ZNF503: variants seen among roughly 807,000 people sequenced by gnomAD.
ZNF503 encodes the protein NocA-like zinc finger 2.
Under a neutral mutation model 34.4 loss-of-function variants are expected in ZNF503, and 15 were observed. The ratio of observed to expected loss-of-function variants is 0.44; its 90% confidence interval spans 0.29 to 0.67. The LOEUF (loss-of-function observed/expected upper bound fraction) is 0.67. ZNF503 is among the 30% of genes least tolerant of loss of function. The probability of loss-of-function intolerance (pLI) is 0.13; values close to 1 mark genes in which losing one functional copy is unlikely to be tolerated. For missense variants in ZNF503, 1,007 were observed against 926.8 expected (o/e 1.09, Z -1.12); for synonymous variants, 580 against 456.8 (o/e 1.27, Z -3.44).
the ZNF503 span, among the ~76,000 whole-genome samples, chr10:75,372,546 G>A: frequency 4.0e-4 from 61 of 152,328 alleles, no homozygotes; most frequent in African/African-American, 1.4e-3. Flanking sequence ...GTACCCCTAG[G>A]CTCAGCCTGG....
At position 75,400,380 on chromosome 10, in the gene ZNF503, G is replaced by A. The variant is rs753473803; in HGVS notation, c.316-6C>T. ...GGGCTCTTCTTGGCATCGAGCTGCG[G>A]GGTCAGACGATGGGGGGGGAGCGTC... On this transcript the variant is annotated splice_region_variant and splice_polypyrimidine_tract_variant and intron_variant, in intron 1 of 1. Transcript: ENST00000372524. The A allele has an allele frequency of 1.9e-6, 3 of 1,597,530 alleles. No individual in the cohort carries two copies. Among genetic ancestry groups the A allele is most frequent in the African/African-American group, 2.9e-5 (2 of 69,788 alleles).
At chr10:75,393,574 A>G (rs1192006552), downstream of ZNF503, among the ~76,000 whole-genome samples, 1 of 152,194 alleles carries the variant, frequency 6.6e-6, no homozygotes, top group Admixed American at 6.5e-5. Context: ...CCATTAATAA[A>G]TAGGCTGGGC....
the ZNF503 span, among the ~76,000 whole-genome samples, chr10:75,294,660 G>A: frequency 0.033 from 4,996 of 151,792 alleles, 285 homozygotes; most frequent in African/African-American, 0.12. Flanking sequence ...CAAGGGCAGG[G>A]GCAGGGGACA....
chr10:75,325,316 C>CAT, the ZNF503 span, among the ~76,000 whole-genome samples: 69 of 136,538 alleles, frequency 5.1e-4, no homozygotes, highest in East Asian at 6.4e-3. Flanking sequence ...TTGCCAATAC[C>CAT]ATATATATAT....
downstream of ZNF503, among the ~76,000 whole-genome samples, chr10:75,393,076 G>A (rs570947086): frequency 2.0e-5 from 3 of 152,330 alleles, no homozygotes; most frequent in South Asian, 4.1e-4. Context: ...AATATTTCTT[G>A]TACTGTGAGT....
At chr10:75,322,037 C>G in the ZNF503 span, among the ~76,000 whole-genome samples, 1 of 151,984 alleles carries the variant, frequency 6.6e-6, no homozygotes, top group African/African-American at 2.4e-5. Flanking sequence ...TTATTAAAGC[C>G]CAATACGAAA....
chr10:75,298,128 C>T, the ZNF503 span, among the ~76,000 whole-genome samples: 2 of 152,206 alleles, frequency 1.3e-5, no homozygotes, highest in African/African-American at 2.4e-5. Flanking sequence ...GTTCCAGCCC[C>T]AACCCCAGCC....
chr10:75,348,654 G>A, the ZNF503 span, among the ~76,000 whole-genome samples: 1 of 151,616 alleles, frequency 6.6e-6, no homozygotes, highest in Admixed American at 6.6e-5. Context: ...TGGGACTACA[G>A]GTGCCTGCCA....
chr10:75,399,516 C>A lies in ZNF503; in HGVS notation c.1174G>T (p.Ala392Ser). 2 of 1,581,052 alleles carry A rather than the reference C, an allele frequency of 1.3e-6. No homozygotes were observed. Among genetic ancestry groups the A allele is most frequent in the Non-Finnish European group, 1.7e-6 (2 of 1,170,774 alleles). Residue 392 changes from alanine to serine, a missense_variant, in exon 2 of 2, where the codon GCG becomes TCG. By Grantham distance (99) the Ala-to-Ser change is moderately conservative. Coordinates refer to ENST00000372524, the MANE Select transcript of ZNF503 (RefSeq NM_032772.6). Reference sequence around the variant, plus strand: ...CCGGCCGCGGCCGCCGCCAGCTGCGCCCCCACCAGGCTGCCCGGCTTGGTG... The same window carrying A: ...CCGGCCGCGGCCGCCGCCAGCTGCGACCCCACCAGGCTGCCCGGCTTGGTG... Reference protein sequence around the residue: ...DPTKPGSLVGAQLAAAAAGSL... With the variant: ...DPTKPGSLVGSQLAAAAAGSL...
chr10:75,349,679 T>C, the ZNF503 span, among the ~76,000 whole-genome samples: 1 of 152,140 alleles, frequency 6.6e-6, no homozygotes, highest in Non-Finnish European at 1.5e-5. Context: ...GTAGTGGCAA[T>C]CACTACTGCC....
the ZNF503 span, among the ~76,000 whole-genome samples, chr10:75,331,077 T>C: frequency 5.3e-5 from 8 of 152,244 alleles, no homozygotes; most frequent in Non-Finnish European, 5.9e-5. Flanking sequence ...CATTGACCTA[T>C]GTTGTTTAAT....
chr10:75,390,933 G>T, the ZNF503 span, among the ~76,000 whole-genome samples: 1 of 152,182 alleles, frequency 6.6e-6, no homozygotes, highest in Non-Finnish European at 1.5e-5. Flanking sequence ...TTTTTAGATG[G>T]CTGCCTTCTT....
chr10:75,388,792 T>C, the ZNF503 span, among the ~76,000 whole-genome samples: 1 of 152,202 alleles, frequency 6.6e-6, no homozygotes, highest in Non-Finnish European at 1.5e-5. Context: ...GTCTCATTGG[T>C]CAGAATAATT....
the ZNF503 span, chr10:75,382,652 T>C: frequency 2.8e-6 from 1 of 363,546 alleles, no homozygotes; most frequent in Non-Finnish European, 5.5e-6. Flanking sequence ...GAAGCAGTCT[T>C]CTACCTGAGT....
the ZNF503 span, among the ~76,000 whole-genome samples, chr10:75,387,523 A>G: frequency 2.0e-5 from 3 of 152,214 alleles, no homozygotes; most frequent in South Asian, 2.1e-4. Flanking sequence ...TGCTCACTAA[A>G]TGGTATCGAT....
the ZNF503 span, among the ~76,000 whole-genome samples, chr10:75,352,286 G>A: frequency 9.2e-5 from 14 of 152,298 alleles, no homozygotes; most frequent in East Asian, 1.2e-3. Flanking sequence ...CCCTGCCCTC[G>A]GATAGATCTC....
At chr10:75,327,885 T>C in the ZNF503 span, among the ~76,000 whole-genome samples, 1 of 152,286 alleles carries the variant, frequency 6.6e-6, no homozygotes, top group East Asian at 1.9e-4. Context: ...TGTTGACCAT[T>C]TGTATGCTGT....
the ZNF503 span, among the ~76,000 whole-genome samples, chr10:75,368,707 T>C: frequency 6.6e-6 from 1 of 152,176 alleles, no homozygotes; most frequent in Non-Finnish European, 1.5e-5. Flanking sequence ...GATCCCTGCA[T>C]TGGAAATGGA....
the ZNF503 span, among the ~76,000 whole-genome samples, chr10:75,313,205 TAG>T: frequency 2.0e-5 from 3 of 152,150 alleles, no homozygotes; most frequent in Non-Finnish European, 4.4e-5. Context: ...GATGGCAAAA[TAG>T]GGGTTTTTTT....
Sources: gnomAD v4.1 joint callset for allele counts (sites outside exome capture counted in the v4.1 genomes callset) on GRCh38, gnomAD v4.1.1 for gene constraint, MANE v1.5 for transcripts, NCBI Gene and HGNC (gene_info 2026-07-23, HGNC 2026-07-21) for gene names.